GCH1: variants seen among roughly 807,000 people sequenced by gnomAD.
GCH1 encodes GTP cyclohydrolase I.
Under a neutral mutation model 25.9 loss-of-function variants are expected in GCH1, and 5 were observed. The ratio of observed to expected loss-of-function variants is 0.19; its 90% CI spans 0.10 to 0.41. The LOEUF is 0.41. GCH1 is among the 10% of genes least tolerant of loss of function. The probability of loss-of-function intolerance (pLI) is 1.00; values close to 1 mark genes in which losing one functional copy is unlikely to be tolerated. For synonymous variants in GCH1, 159 were observed against 129.6 expected, an observed-to-expected ratio of 1.23 and a Z score of -1.54; for missense variants, 261 against 336.5, an observed-to-expected ratio of 0.78 and a Z score of 1.75.
intron 1 of GCH1, among the ~76,000 whole-genome samples, chr14:54,880,477 T>C (rs1212495141): frequency 3.5e-4 from 26 of 73,928 alleles, no homozygotes; most frequent in East Asian, 1.3e-3. Flanking sequence ...TATATATATA[T>C]ACACTCCATA....
chr14:54,888,657 C>T (rs927784724), intron 1 of GCH1, among the ~76,000 whole-genome samples: 6 of 150,852 alleles, frequency 4.0e-5, no homozygotes, highest in Non-Finnish European at 7.4e-5. Context: ...GGACTACAGG[C>T]GCCCACAACC....
chr14:54,845,169 T>C (rs1303532147), intron 5 of GCH1, among the ~76,000 whole-genome samples: 1 of 150,904 alleles, frequency 6.6e-6, no homozygotes, highest in African/African-American at 2.4e-5. Flanking sequence ...CAAGACCCTG[T>C]CTTGAGCATT....
rs530175726 is a variant in GCH1 at position 54,883,329 on chromosome 14, G to T, written c.344-17893C>A. Among the ~76,000 whole-genome samples, 5 of 140,078 alleles carry T rather than the reference G, an allele frequency of 3.6e-5. No individual in the cohort carries two copies. The South Asian group carries it at 1.2e-3, about 33-fold the overall frequency. The allele number at this position is 140,078 out of a possible 152,430, so 91.9% of individuals were successfully genotyped here. A position where few individuals can be genotyped will look rare whatever the true frequency, so the allele number is the denominator to read the frequency against. ...GGAGTTTGCAATGAGCAGAGATTGCGCCGCTGCGCTCTAGCCTGGGCGACA... is the reference window on the plus strand; with the variant it reads ...GGAGTTTGCAATGAGCAGAGATTGCTCCGCTGCGCTCTAGCCTGGGCGACA... On this transcript the variant is annotated intron_variant, in intron 1 of 5. Transcript: ENST00000491895.
At chr14:54,863,271 A>G (rs1006689981) in intron 2 of GCH1, among the ~76,000 whole-genome samples, 1 of 151,708 alleles carries the variant, frequency 6.6e-6, no homozygotes, top group Non-Finnish European at 1.5e-5. Context: ...TACAACAACA[A>G]AATTAGCCAG....
At chr14:54,899,572 T>C (rs1383391620) in intron 1 of GCH1, among the ~76,000 whole-genome samples, 1 of 151,944 alleles carries the variant, frequency 6.6e-6, no homozygotes, top group Non-Finnish European at 1.5e-5. Flanking sequence ...GAGCAACAAC[T>C]ATCCTCCTGC....
chr14:54,844,509 G>A (rs1038456422), intron 5 of GCH1, among the ~76,000 whole-genome samples: 1 of 152,212 alleles, frequency 6.6e-6, no homozygotes, highest in African/African-American at 2.4e-5. Flanking sequence ...TAGATCAAAA[G>A]AAAGTCAGAA....
At chr14:54,890,210 T>C (rs974490338) in intron 1 of GCH1, among the ~76,000 whole-genome samples, 1 of 152,112 alleles carries the variant, frequency 6.6e-6, no homozygotes, top group African/African-American at 2.4e-5. Context: ...ATAAAACAAA[T>C]AACCAGGCCG....
intron 1 of GCH1, 84 bp downstream of exon 1, chr14:54,902,237 G>C (rs1208181231): frequency 2.1e-6 from 3 of 1,457,808 alleles, no homozygotes; most frequent in East Asian, 4.7e-5. Flanking sequence ...AGGCAACTCC[G>C]GAAACTTCCT....
At chr14:54,867,741 T>C (rs2040009651) in intron 1 of GCH1, among the ~76,000 whole-genome samples, 1 of 151,982 alleles carries the variant, frequency 6.6e-6, no homozygotes, top group African/African-American at 2.4e-5. Flanking sequence ...AATGGGCACA[T>C]GTGTTTAGAA....
Position 54,865,042 on chromosome 14 carries a change from CA to C in GCH1, c.453+284del, listed in dbSNP as rs56813558. On this transcript the variant is annotated intron_variant, in intron 2 of 5. Coordinates refer to ENST00000491895, the MANE Select transcript of GCH1 (RefSeq NM_000161.3). The stretch of plus-strand genomic sequence containing the variant: ...AGGTTTTCAGAGCCTGTAGTAGCTA[CA>C]AAAAAAAAAAAAGAGAGAGAGAGAT... Among the ~76,000 whole-genome samples the C allele has an allele frequency of 0.73, 106,283 of 145,688 alleles. 38,961 individuals carry two copies. Among genetic ancestry groups the C allele is most frequent in the Middle Eastern group, 0.85 (241 of 282 alleles).
At chr14:54,858,725 C>A (rs939967069) in intron 3 of GCH1, among the ~76,000 whole-genome samples, 5 of 151,038 alleles carry the variant, frequency 3.3e-5, no homozygotes, top group African/African-American at 1.2e-4. Flanking sequence ...CTCTCTCTCT[C>A]CACACACACA....
intron 2 of GCH1, among the ~76,000 whole-genome samples, chr14:54,860,350 C>G (rs993896386): frequency 6.6e-6 from 1 of 152,120 alleles, no homozygotes; most frequent in Non-Finnish European, 1.5e-5. Context: ...AAAATGTATA[C>G]AGGAAAGCCT....
At chr14:54,862,379 C>CTTTTT (rs892910613) in intron 2 of GCH1, among the ~76,000 whole-genome samples, 3 of 57,394 alleles carry the variant, frequency 5.2e-5, no homozygotes, top group Non-Finnish European at 7.1e-5. Flanking sequence ...AAGCACTACT[C>CTTTTT]TTTTTTTTTT....
intron 1 of GCH1, among the ~76,000 whole-genome samples, chr14:54,871,231 C>A (rs2040071788): frequency 6.6e-6 from 1 of 152,196 alleles, no homozygotes; most frequent in African/African-American, 2.4e-5. Context: ...AATACCCAGG[C>A]AAACAGGGTC....
In GCH1 at chr14:54,880,479, C is replaced by CTCCATATATATATAT. The variant is rs1408602436; in HGVS notation, c.344-15044_344-15043insATATATATATATGGA. 1.9e-3 allele frequency among the ~76,000 whole-genome samples: 94 copies of CTCCATATATATATAT among 49,408 alleles called. 7 individuals are homozygous for CTCCATATATATATAT. Among genetic ancestry groups the CTCCATATATATATAT allele is most frequent in the South Asian group, 2.5e-3 (4 of 1,618 alleles). 32.4% of individuals were successfully genotyped at this position (49,408 alleles called of 152,430 possible). ...AATATATACTCCATATATATATATA[C>CTCCATATATATATAT]ACTCCATATATATATATACTCCATA... On this transcript the variant is annotated intron_variant, in intron 1 of 5. Coordinates refer to ENST00000491895, the MANE Select transcript of GCH1 (RefSeq NM_000161.3).
chr14:54,888,419 G>A lies in GCH1; in HGVS notation c.343+13902C>T, dbSNP rs180726635. On this transcript the variant is annotated intron_variant, in intron 1 of 5. Transcript: ENST00000491895. ...CAGAACAGACCCAGAATAGTCAAGT[G>A]ACTCACCTACCTAAGTTCATAAACC... 2.8e-3 allele frequency among the ~76,000 whole-genome samples: 420 copies of A among 152,084 alleles called. 2 individuals carry two copies. The highest frequency in any genetic ancestry group is 9.5e-3 in the African/African-American group (393 of 41,478).
intron 1 of GCH1, chr14:54,886,352 C>A (rs2040351929): frequency 6.6e-6 from 1 of 152,648 alleles, no homozygotes; most frequent in Non-Finnish European, 1.5e-5. Flanking sequence ...GTGGCTCATG[C>A]CTGTAATCCC....
intron 1 of GCH1, among the ~76,000 whole-genome samples, chr14:54,877,666 G>C (rs969940726): frequency 1.3e-5 from 2 of 151,926 alleles, no homozygotes; most frequent in Admixed American, 6.6e-5. Flanking sequence ...GCTAATTTTT[G>C]TATTTTTTTG....
At position 54,842,982 on chromosome 14, in the gene GCH1, C is replaced by T; in HGVS notation, c.*1035G>A. ...TACGCTTTGGTTAAAACGTTGGACA[C>T]AGCTCATAATGTCTTCCACCGTCAG... On this transcript the variant is annotated 3_prime_UTR_variant, in exon 6 of 6. Transcript: ENST00000491895. 3 of 765,994 alleles carry T rather than the reference C, an allele frequency of 3.9e-6. No individual in the cohort carries two copies. In the South Asian group the frequency reaches 4.4e-5, roughly 11 times the overall value. The allele number at this position is 765,994 out of a possible 1,614,324, so 47.4% of individuals were successfully genotyped here.
Sources: allele counts gnomAD v4.1 joint callset (sites outside exome capture counted in the v4.1 genomes callset), GRCh38; gene constraint gnomAD v4.1.1; transcripts MANE v1.5; gene names NCBI Gene and HGNC (gene_info 2026-07-23, HGNC 2026-07-21).